The following BCAS3 variants were observed in gnomAD, a reference collection of about 807,000 sequenced individuals.
The protein encoded by BCAS3 is BCAS4/BCAS3 fusion.
BCAS3 carries 53 observed loss-of-function variants against 116.1 expected under a neutral mutation model. The ratio of observed to expected loss-of-function variants is 0.46; its 90% CI spans 0.37 to 0.57. The LOEUF (loss-of-function observed/expected upper bound fraction) is 0.57, where lower values mean the gene tolerates loss of function less well. Ranked by LOEUF, BCAS3 falls within the 20% of genes least tolerant of loss-of-function variation. The probability of loss-of-function intolerance (pLI) is 0.00; values close to 1 mark genes in which losing one functional copy is unlikely to be tolerated. For missense variants in BCAS3, 917 were observed against 1,165.4 expected (o/e 0.79, Z 3.10); for synonymous variants, 391 against 408.2 (o/e 0.96, Z 0.51).
intron 7 of BCAS3, among the ~76,000 whole-genome samples, chr17:60,849,558 A>G (rs1043866070): frequency 3.3e-5 from 5 of 152,164 alleles, no homozygotes; most frequent in African/African-American, 4.8e-5. Context: ...CAATTAAAAA[A>G]AGTTTATAAA....
At chr17:60,814,761 A>G (rs1164990227) in intron 7 of BCAS3, among the ~76,000 whole-genome samples, 1 of 152,212 alleles carries the variant, frequency 6.6e-6, no homozygotes, top group African/African-American at 2.4e-5. Context: ...TTCTTCATTT[A>G]AACACATTGT....
chr17:60,841,363 A>G (rs937284502), intron 7 of BCAS3, among the ~76,000 whole-genome samples: 1 of 151,488 alleles, frequency 6.6e-6, no homozygotes, highest in Non-Finnish European at 1.5e-5. Flanking sequence ...TATTAGAACA[A>G]CATTTATCTT....
rs551321336 is a variant in BCAS3 at position 61,047,040 on chromosome 17, G to A, written c.2029+6148G>A. Reference sequence around the variant, plus strand: ...CAAAAAGGGTGGCTTGTGGTGGAAGGAAGGGGGAACCAGCCCTAAACACTA... The same window carrying A: ...CAAAAAGGGTGGCTTGTGGTGGAAGAAAGGGGGAACCAGCCCTAAACACTA... On this transcript the variant is annotated intron_variant, in intron 19 of 23. Transcript: ENST00000407086. Among the ~76,000 whole-genome samples the A allele has an allele frequency of 7.2e-5, 11 of 152,034 alleles. No individual in the cohort carries two copies. The East Asian group carries it at 1.7e-3, about 24-fold the overall frequency.
In BCAS3 at chr17:60,993,488, G is replaced by A. The variant is rs921984332; in HGVS notation, c.1486+3253G>A. Among the ~76,000 whole-genome samples the A allele has an allele frequency of 4.6e-5, 7 of 152,202 alleles. No homozygotes were observed. Among genetic ancestry groups the A allele is most frequent in the South Asian group, 2.1e-4 (1 of 4,826 alleles). ...CTATTCCTCCTGATAGATAACACGT[G>A]TTAAAATTTTATTTCCAGAATTTCC... is the stretch of plus-strand genomic sequence containing the variant. On this transcript the variant is annotated intron_variant, in intron 15 of 23. Coordinates refer to ENST00000407086, the MANE Select transcript of BCAS3 (RefSeq NM_017679.5). The surrounding 1 kb of genome is among the most constrained non-coding windows in gnomAD (Gnocchi z 4.2).
intron 7 of BCAS3, chr17:60,851,595 G>A (rs2053172717): frequency 6.3e-6 from 4 of 635,894 alleles, no homozygotes; most frequent in Admixed American, 2.4e-5. Flanking sequence ...AGCTTGAAAC[G>A]AGGAAGTACA....
At position 61,220,694 on chromosome 17, in the gene BCAS3, G is replaced by A. The variant is rs1601981556; in HGVS notation, c.2425+136130G>A. 6.6e-6 allele frequency among the ~76,000 whole-genome samples: 1 copy of A among 152,242 alleles called. No homozygotes were observed. Among genetic ancestry groups the A allele is most frequent in the East Asian group, 1.9e-4 (1 of 5,168 alleles). ...CAGGGTACTCAAAAGGGAACTAGTG[G>A]TAAGAATGGAAGAAAAAAAAAGTGG... On this transcript the variant is annotated intron_variant, in intron 22 of 23. Transcript: ENST00000407086. This position sits in a 1 kb window ranked among gnomAD's most constrained non-coding sequence, Gnocchi z 4.5.
At chr17:60,686,223 T>C (rs1179570642) in intron 3 of BCAS3, among the ~76,000 whole-genome samples, 1 of 151,930 alleles carries the variant, frequency 6.6e-6, no homozygotes, top group Non-Finnish European at 1.5e-5. Flanking sequence ...CTTTCTAACA[T>C]TTTTTTTCCC....
chr17:60,998,911 T>A (rs1242825918), intron 15 of BCAS3, among the ~76,000 whole-genome samples: 2 of 152,188 alleles, frequency 1.3e-5, no homozygotes, highest in East Asian at 3.9e-4. Context: ...AGAAGAGTTT[T>A]TCCTGGGTTT....
At chr17:61,375,079 T>C (rs997228122) in intron 23 of BCAS3, among the ~76,000 whole-genome samples, 10 of 152,244 alleles carry the variant, frequency 6.6e-5, no homozygotes, top group African/African-American at 1.9e-4. Flanking sequence ...GGGCTGCGCC[T>C]TTCTTTTTCT....
At chr17:61,030,049 A>T (rs2066519829) in intron 16 of BCAS3, among the ~76,000 whole-genome samples, 1 of 152,116 alleles carries the variant, frequency 6.6e-6, no homozygotes, top group African/African-American at 2.4e-5. Flanking sequence ...GTCTTATGTT[A>T]GAAACTAAGA....
chr17:60,842,914 C>T (rs2052094499), intron 7 of BCAS3, among the ~76,000 whole-genome samples: 1 of 150,858 alleles, frequency 6.6e-6, no homozygotes, highest in African/African-American at 2.4e-5. Flanking sequence ...CTCTGTTGCC[C>T]AGACTAGAGT....
intron 19 of BCAS3, among the ~76,000 whole-genome samples, chr17:61,059,841 C>T (rs1042801646): frequency 6.6e-5 from 10 of 152,072 alleles, no homozygotes; most frequent in African/African-American, 1.2e-4. Context: ...GCCTGGCCAA[C>T]ATGGTGAAAC....
intron 22 of BCAS3, among the ~76,000 whole-genome samples, chr17:61,318,487 C>T (rs952456265): frequency 9.9e-5 from 15 of 152,174 alleles, no homozygotes; most frequent in Non-Finnish European, 2.2e-4. Flanking sequence ...AGCAGCCCCT[C>T]TTCCCCCTCC....
At chr17:61,129,146 C>G (rs1381228647) in intron 22 of BCAS3, among the ~76,000 whole-genome samples, 2 of 152,150 alleles carry the variant, frequency 1.3e-5, no homozygotes, top group Admixed American at 1.3e-4. Context: ...AGGCTAGCCA[C>G]CTGAGGGTAT....
At chr17:61,121,119 GA>G (rs1233488401) in intron 22 of BCAS3, among the ~76,000 whole-genome samples, 1 of 151,530 alleles carries the variant, frequency 6.6e-6, no homozygotes, top group Non-Finnish European at 1.5e-5. Context: ...ATGGGCACTT[GA>G]AAAAAAGGGG....
intron 8 of BCAS3, among the ~76,000 whole-genome samples, chr17:60,873,766 G>T (rs2055339056): frequency 6.6e-6 from 1 of 152,186 alleles, no homozygotes; most frequent in African/African-American, 2.4e-5. Flanking sequence ...TAAACTTAAA[G>T]TGATGGGTTA....
At chr17:61,111,170 G>A (rs1437307979) in intron 22 of BCAS3, among the ~76,000 whole-genome samples, 1 of 151,756 alleles carries the variant, frequency 6.6e-6, no homozygotes, top group African/African-American at 2.4e-5. Context: ...ACTCTAAAAC[G>A]CAGAGCGTCT....
In BCAS3 at chr17:61,345,483, C is replaced by T. The variant is rs540653927; in HGVS notation, c.2426-22844C>T. On this transcript the variant is annotated intron_variant, in intron 22 of 23. Transcript: ENST00000407086. ...GGAAGAAATACAGGAGGGAAGTAGC[C>T]GGGAACCCATGGAAAAATGAAGGAG... Among the ~76,000 whole-genome samples the T allele has an allele frequency of 1.6e-4, 24 of 151,864 alleles. No individual in the cohort carries two copies. In the South Asian group the frequency reaches 1.7e-3, roughly 11 times the overall value.
intron 13 of BCAS3, among the ~76,000 whole-genome samples, chr17:60,936,973 T>C (rs1451397267): frequency 1.3e-5 from 2 of 152,180 alleles, no homozygotes; most frequent in East Asian, 3.8e-4. Context: ...GGTTTTCTTC[T>C]AGGGTTTTTA....
Sources: gnomAD v4.1 joint callset for allele counts (sites outside exome capture counted in the v4.1 genomes callset) on GRCh38, gnomAD v4.1.1 for gene constraint, Gnocchi (gnomAD v3.1) non-coding constraint, MANE v1.5 for transcripts, NCBI Gene and HGNC (gene_info 2026-07-23, HGNC 2026-07-21) for gene names.